Variants in CACNA1F observed in about 807,000 individuals in gnomAD.
CACNA1F encodes the protein voltage-dependent L-type calcium channel subunit alpha-1F.
Under a neutral mutation model 143.8 loss-of-function variants are expected in CACNA1F, and 59 were observed. That is an observed-to-expected ratio of 0.41 (90% CI 0.33 to 0.51). CACNA1F has a LOEUF of 0.51. Ranked by LOEUF, CACNA1F falls within the 20% of genes least tolerant of loss-of-function variation. The pLI is 0.22. For synonymous variants in CACNA1F, 643 were observed against 649.1 expected (o/e 0.99, Z 0.14); for missense variants, 1,411 against 1,647.5 (o/e 0.86, Z 2.48).
At position 49,231,765 on chromosome X, in the gene CACNA1F, G is replaced by C. The variant is rs782759015; in HGVS notation, c.188C>G (p.Ala63Gly). The change falls in exon 2 of 48, where the codon GCC (alanine) becomes GGC (glycine). Residue 63 changes from alanine to glycine, a missense_variant. Around this residue, in one of 3 missense-constraint regions of CACNA1F, gnomAD observed 950 missense variants for 1,128.1 expected, o/e 0.84. Coordinates refer to ENST00000323022, the MANE Select transcript of CACNA1F (RefSeq NM_001256789.3). ...QHSKHKTVAV[A>G]SAQRSPRALF... is the part of the protein sequence containing the mutation. ...TGCCCGAGGTGACCGCTGGGCACTG[G>C]CCACTGCCACTGTCTTGTGCTTGCT... 6.6e-6 allele frequency: 8 copies of C among 1,209,659 alleles called. No individual in the cohort carries two copies. The South Asian group carries it at 1.4e-4, about 21-fold the overall frequency.
rs1381481332 is a variant in CACNA1F, at chrX:49,212,412, A to G, written c.3943-104T>C. On this transcript the variant is annotated intron_variant, in intron 33 of 47. Transcript: ENST00000323022. ...TTCCCTGGCCTGGGCCTACTGGGAG[A>G]TGCAGTCCATCTCCAAAGTGCCAAG... The G allele has an allele frequency of 1.2e-5, 8 of 693,021 alleles. No homozygotes were observed. The African/African-American group carries it at 1.5e-4, about 13-fold the overall frequency. The allele number at this position is 693,021 out of a possible 1,213,427, so 57.1% of individuals were successfully genotyped here. A position where few individuals can be genotyped will look rare whatever the true frequency, so the allele number is the denominator to read the frequency against.
rs1557104760 is a variant in CACNA1F at position 49,205,824 on chromosome X, A to G, written c.5473-11T>C. 1.7e-6 allele frequency: 2 copies of G among 1,189,481 alleles called. No individual in the cohort carries two copies. Among genetic ancestry groups the G allele is most frequent in the South Asian group, 3.7e-5 (2 of 54,229 alleles). On this transcript the variant is annotated splice_polypyrimidine_tract_variant and intron_variant, in intron 46 of 47. Transcript: ENST00000323022. Reference sequence around the variant, plus strand: ...TGTTGCCCAGGAACCCTGAGCCAGAATAAACATCAGAGGGGCAGGGATGGA... The same window carrying G: ...TGTTGCCCAGGAACCCTGAGCCAGAGTAAACATCAGAGGGGCAGGGATGGA...
Position 49,205,664 on chromosome X carries a change from C to T in CACNA1F, c.5622G>A (p.Ser1874=), listed in dbSNP as rs1557104684. Residue 1874 remains serine (S), a synonymous_variant, in exon 47 of 48, where the codon TCG becomes TCA. Coordinates refer to ENST00000323022, the MANE Select transcript of CACNA1F (RefSeq NM_001256789.3). ...TGCCCCTCTTCCCATGGCTGGGGTCCGAGTGGGTTCCAGGCACGTGCAGAC... is the reference window on the plus strand; with the variant it reads ...TGCCCCTCTTCCCATGGCTGGGGTCTGAGTGGGTTCCAGGCACGTGCAGAC... The part of the protein sequence containing the change: ...FTCLHVPGTH[S]DPSHGKRGSA... 9.1e-6 allele frequency: 11 copies of T among 1,204,404 alleles called. No homozygotes were observed. In the Admixed American group the frequency reaches 1.1e-4, roughly 12 times the overall value.
chrX:49,207,236 G>A, intron 43 of CACNA1F, 124 bp from the exon 44 acceptor site: 1 of 488,049 alleles, frequency 2.0e-6, no homozygotes, highest in Non-Finnish European at 3.6e-6. Flanking sequence ...TTTTTGTTGA[G>A]GACAAGTCAC....
At position 49,230,927 on chromosome X, in the gene CACNA1F, G is replaced by A. The variant is rs2065871618; in HGVS notation, c.444C>T (p.Ala148=). ...FTVETVLKIV[A]YGLVLHPSAY... Reference sequence around the variant, plus strand: ...CGCTGGGGTGGAGCACCAGCCCGTAGGCCACGATCTTGAGCACCGTCTCCA... The same window carrying A: ...CGCTGGGGTGGAGCACCAGCCCGTAAGCCACGATCTTGAGCACCGTCTCCA... Residue 148 remains alanine (A), a synonymous_variant, in exon 4 of 48, where the codon GCC becomes GCT. Coordinates refer to ENST00000323022, the MANE Select transcript of CACNA1F (RefSeq NM_001256789.3). 1.7e-5 allele frequency: 20 copies of A among 1,194,578 alleles called. No individual in the cohort carries two copies. Among genetic ancestry groups the A allele is most frequent in the Non-Finnish European group, 2.3e-5 (20 of 885,032 alleles).
chrX:49,226,329 C>T (rs1433214754), intron 11 of CACNA1F, 80 bp downstream of exon 11: 7 of 1,136,139 alleles, frequency 6.2e-6, no homozygotes, highest in East Asian at 6.0e-5. Flanking sequence ...GGACTGAGAT[C>T]GAGGCTTGAG....
Position 49,226,415 on chromosome X carries a change from C to A in CACNA1F, c.1457G>T (p.Arg486Leu), listed in dbSNP as rs377163402. 5.9e-6 allele frequency: 7 copies of A among 1,181,264 alleles called. No homozygotes were observed. The highest frequency in any genetic ancestry group is 8.0e-6 in the Non-Finnish European group (7 of 879,549). The change falls in exon 11 of 48, where the codon CGC becomes CTC. Residue 486 changes from arginine (R) to leucine (L), a missense_variant. Coordinates refer to ENST00000323022, the MANE Select transcript of CACNA1F (RefSeq NM_001256789.3). Reference sequence around the variant, plus strand: ...AGGGGCTGGGGGCCCTCACAGGCAGCGTGTACAGCTGGCCAGAGCCCCCTC... The same window carrying A: ...AGGGGCTGGGGGCCCTCACAGGCAGAGTGTACAGCTGGCCAGAGCCCCCTC... The part of the protein sequence containing the change: ...EEEGALASCT[R>L]CLNKIMKTRV...
chrX:49,217,724 C>A, intron 26 of CACNA1F, 31 bp downstream of exon 26: 1 of 1,179,982 alleles, frequency 8.5e-7, no homozygotes, highest in Non-Finnish European at 1.2e-6. Context: ...GGGTCCTGAG[C>A]TCCGTGGACG....
At chrX:49,210,108 T>A in intron 39 of CACNA1F, 66 bp from the exon 40 acceptor site, 1 of 831,121 alleles carries the variant, frequency 1.2e-6, no homozygotes, top group Non-Finnish European at 1.8e-6. Context: ...CCCCTCACTG[T>A]TGGGTGGGGG....
At chrX:49,231,034 T>C (rs953880407) in intron 3 of CACNA1F, 45 bp from the exon 4 acceptor site, 14 of 1,081,388 alleles carry the variant, frequency 1.3e-5, no homozygotes, top group Non-Finnish European at 1.7e-5. Flanking sequence ...GAGGAGTTAT[T>C]TGAAGGCGAG....
chrX:49,218,410 C>A (rs369907819), intron 24 of CACNA1F, 45 bp downstream of exon 24: 25 of 1,037,526 alleles, frequency 2.4e-5, no homozygotes, highest in Non-Finnish European at 3.3e-5. Flanking sequence ...GCCCCAGGGG[C>A]AGGGCAGGGC....
chrX:49,226,693 A>G lies in CACNA1F; in HGVS notation c.1286T>C (p.Leu429Pro), dbSNP rs141155959. 809 of 1,176,199 alleles carry G rather than the reference A, an allele frequency of 6.9e-4. No homozygotes were observed. The highest frequency in any genetic ancestry group is 8.8e-4 in the Non-Finnish European group (771 of 877,573). ...ACGCCTCCTATTGGTCAGCTCGGCC[A>G]GCTGTGGCCCTGCAGGGAGAGAAAG... is the stretch of plus-strand genomic sequence containing the variant. ...PSADDNLGPQLAELTNRRRGR... is the reference protein window; with the variant it reads ...PSADDNLGPQPAELTNRRRGR... The change falls in exon 10 of 48, where the codon CTG becomes CCG. Residue 429 changes from leucine (L) to proline (P), a missense_variant. Physicochemically the swap from Leu to Pro is moderately conservative, Grantham distance 98. Around this residue, in one of 3 missense-constraint regions of CACNA1F, gnomAD observed 950 missense variants for 1,128.1 expected, o/e 0.84. Coordinates refer to ENST00000323022, the MANE Select transcript of CACNA1F (RefSeq NM_001256789.3).
chrX:49,226,164 TGGG>T, intron 12 of CACNA1F, 50 bp downstream of exon 12: 1 of 1,131,175 alleles, frequency 8.8e-7, no homozygotes. Flanking sequence ...GGCTTGGAGG[TGGG>T]GGGTTTCAAA....
At chrX:49,219,578 C>G (rs1557108342) in intron 20 of CACNA1F, 56 bp downstream of exon 20, 1 of 1,176,908 alleles carries the variant, frequency 8.5e-7, no homozygotes, top group Non-Finnish European at 1.1e-6. Context: ...CTCCTCCATG[C>G]TCCTCCACCT....
At chrX:49,221,174 G>T (rs1557108704) in intron 17 of CACNA1F, 94 bp from the exon 18 acceptor site, 2 of 734,069 alleles carry the variant, frequency 2.7e-6, no homozygotes, top group Non-Finnish European at 4.2e-6. Flanking sequence ...GAACTTTCTT[G>T]CTTCCGCTCT....
chrX:49,217,000 C>A (rs916364588), intron 26 of CACNA1F, among the ~76,000 whole-genome samples: 41 of 111,488 alleles, frequency 3.7e-4, no homozygotes, highest in African/African-American at 1.1e-3. Flanking sequence ...AAGACTCTGC[C>A]CAGGCTGGAG....
At chrX:49,208,041 A>G (rs1557105297) in intron 43 of CACNA1F, among the ~76,000 whole-genome samples, 1 of 107,484 alleles carries the variant, frequency 9.3e-6, no homozygotes, top group African/African-American at 3.4e-5. Context: ...TGAAAAAAAA[A>G]AAAAAAATTA....
Position 49,208,504 on chromosome X carries a change from C to T in CACNA1F, c.5123+11G>A. ...TTCCCTCACAATCTACTTCCAGACA[C>T]TTGATAATACCTGTGGGTGTTGGAT... On this transcript the variant is annotated intron_variant, in intron 43 of 47. Transcript: ENST00000323022. The T allele has an allele frequency of 8.4e-7, 1 of 1,185,685 alleles. No homozygotes were observed. Among genetic ancestry groups the T allele is most frequent in the Non-Finnish European group, 1.1e-6 (1 of 880,053 alleles).
In CACNA1F at chrX:49,233,240, T is replaced by G. The variant is rs373435102; in HGVS notation, c.25+45A>C. On this transcript the variant is annotated intron_variant, in intron 1 of 47. Transcript: ENST00000323022. ...TGGGCAATGGGTGGGTCAGAGGGGC[T>G]CTACCTTGCTCCAAGGGTCTGCAGG... 8 of 1,198,603 alleles carry G rather than the reference T, an allele frequency of 6.7e-6. No homozygotes were observed. The African/African-American group carries it at 1.2e-4, about 19-fold the overall frequency.
Sources: allele counts gnomAD v4.1 joint callset (sites outside exome capture counted in the v4.1 genomes callset), GRCh38; gene constraint gnomAD v4.1.1; regional missense constraint gnomAD v4.1.1; transcripts MANE v1.5; gene names NCBI Gene and HGNC (gene_info 2026-07-23, HGNC 2026-07-21).